Variants in PLCL1 observed in about 807,000 individuals in gnomAD.
PLCL1 encodes the protein inactive phospholipase C-like protein 1.
A neutral mutation model predicts 84.4 loss-of-function variants in PLCL1; 41 were observed. The observed-to-expected ratio is 0.49, with a 90% CI of 0.38 to 0.63. PLCL1 has a LOEUF of 0.63. Ranked by LOEUF, PLCL1 falls within the 30% of genes least tolerant of loss-of-function variation. PLCL1 has a pLI of 0.00. For missense variants in PLCL1, 1,206 were observed against 1,367.8 expected, an observed-to-expected ratio of 0.88 and a Z score of 1.87; for synonymous variants, 490 against 488.3, an observed-to-expected ratio of 1.00 and a Z score of -0.05.
chr2:197,804,819 C>T lies in PLCL1; in HGVS notation c.-281C>T. On this transcript the variant is annotated 5_prime_UTR_variant, in exon 1 of 6. Coordinates refer to ENST00000428675, the MANE Select transcript of PLCL1 (RefSeq NM_006226.4). ...GGATACCTCCCTCTCTTTTTCGCCTCTCCTTCTGCCTCCCGCTCACATCGC... is the reference window on the plus strand; with the variant it reads ...GGATACCTCCCTCTCTTTTTCGCCTTTCCTTCTGCCTCCCGCTCACATCGC... 2.8e-6 allele frequency: 1 copy of T among 361,366 alleles called. No homozygotes were observed. Among genetic ancestry groups the T allele is most frequent in the Non-Finnish European group, 5.0e-6 (1 of 201,032 alleles). The allele number at this position is 361,366 out of a possible 1,614,324, so 22.4% of individuals were successfully genotyped here.
intron 1 of PLCL1, 54 bp from the exon 2 acceptor site, chr2:198,083,703 GA>G: frequency 8.3e-7 from 1 of 1,208,928 alleles, no homozygotes; most frequent in Non-Finnish European, 1.2e-6. Flanking sequence ...GAGTGTTACT[GA>G]ATTTGTCTGT....
chr2:198,125,890 A>G (rs528894228), intron 5 of PLCL1, among the ~76,000 whole-genome samples: 45 of 152,300 alleles, frequency 3.0e-4, no homozygotes, highest in African/African-American at 1.1e-3. Context: ...TAGTAGACCG[A>G]GCAGAATGCT....
At chr2:198,031,596 T>G (rs923496162) in intron 1 of PLCL1, among the ~76,000 whole-genome samples, 5 of 151,250 alleles carry the variant, frequency 3.3e-5, no homozygotes, top group Non-Finnish European at 7.4e-5. Context: ...GCTCAAGCAA[T>G]TCTCTCATCT....
At chr2:198,092,873 A>G (rs1323333020) in intron 3 of PLCL1, among the ~76,000 whole-genome samples, 1 of 152,222 alleles carries the variant, frequency 6.6e-6, no homozygotes, top group Non-Finnish European at 1.5e-5. Context: ...ACCCAAAACA[A>G]TGTTGGCACA....
intron 1 of PLCL1, among the ~76,000 whole-genome samples, chr2:197,986,595 C>T (rs772355347): frequency 7.2e-5 from 11 of 152,154 alleles, no homozygotes; most frequent in East Asian, 1.9e-4. Flanking sequence ...GCAATCCTCC[C>T]GCCTCAGCCT....
intron 1 of PLCL1, among the ~76,000 whole-genome samples, chr2:198,054,006 A>G (rs1308346323): frequency 6.6e-6 from 1 of 152,220 alleles, no homozygotes; most frequent in African/African-American, 2.4e-5. Flanking sequence ...TTCAGAGGAA[A>G]GAGATCAGGG....
At chr2:198,037,785 T>C (rs902867148) in intron 1 of PLCL1, among the ~76,000 whole-genome samples, 5 of 152,174 alleles carry the variant, frequency 3.3e-5, no homozygotes, top group African/African-American at 9.7e-5. Context: ...TAAAGAGTTA[T>C]TGTTTCTTTG....
intron 1 of PLCL1, among the ~76,000 whole-genome samples, chr2:198,018,143 T>A (rs1691043812): frequency 6.6e-6 from 1 of 152,124 alleles, no homozygotes; most frequent in Non-Finnish European, 1.5e-5. Flanking sequence ...GGGAACTCCC[T>A]TCCTATCCAA....
chr2:197,918,142 A>G (rs1688631090), intron 1 of PLCL1, among the ~76,000 whole-genome samples: 1 of 152,224 alleles, frequency 6.6e-6, no homozygotes, highest in Non-Finnish European at 1.5e-5. Flanking sequence ...TATGATAAAA[A>G]TGGCACCTTA....
intron 1 of PLCL1, among the ~76,000 whole-genome samples, chr2:197,939,068 A>C (rs1374351982): frequency 6.6e-6 from 1 of 152,206 alleles, no homozygotes; most frequent in Non-Finnish European, 1.5e-5. Flanking sequence ...GGTGAGAAGG[A>C]GGATCAATGG....
intron 1 of PLCL1, among the ~76,000 whole-genome samples, chr2:197,998,836 G>C (rs1312178611): frequency 6.6e-6 from 1 of 152,122 alleles, no homozygotes; most frequent in East Asian, 1.9e-4. Flanking sequence ...TTACGATCTT[G>C]ATCAAACAGA....
chr2:198,007,532 C>A (rs1202123856), intron 1 of PLCL1, among the ~76,000 whole-genome samples: 2 of 152,042 alleles, frequency 1.3e-5, no homozygotes, highest in African/African-American at 2.4e-5. Context: ...CACAAGGGAG[C>A]CCACTGATGT....
At chr2:198,128,263 C>A (rs1429245006) in intron 5 of PLCL1, among the ~76,000 whole-genome samples, 1 of 152,090 alleles carries the variant, frequency 6.6e-6, no homozygotes, top group Non-Finnish European at 1.5e-5. Context: ...GTGTAACCAC[C>A]CAGTTGGGTT....
At chr2:198,106,244 G>C (rs1367572481) in intron 5 of PLCL1, among the ~76,000 whole-genome samples, 1 of 151,936 alleles carries the variant, frequency 6.6e-6, no homozygotes, top group Non-Finnish European at 1.5e-5. Context: ...AACCTGTGCT[G>C]CAGAGATGCT....
At chr2:197,864,036 A>AT (rs1687481544) in intron 1 of PLCL1, among the ~76,000 whole-genome samples, 1 of 152,092 alleles carries the variant, frequency 6.6e-6, no homozygotes, top group African/African-American at 2.4e-5. Flanking sequence ...GGAATAATTA[A>AT]TTTTTTGAAT....
At chr2:198,101,404 G>A (rs376249908) in intron 4 of PLCL1, 44 bp downstream of exon 4, 11 of 1,020,688 alleles carry the variant, frequency 1.1e-5, no homozygotes, top group Non-Finnish European at 1.6e-5. Flanking sequence ...TTTCTATTTT[G>A]TTTGGAAACT....
chr2:197,860,482 A>T (rs181639137), intron 1 of PLCL1, among the ~76,000 whole-genome samples: 13 of 152,260 alleles, frequency 8.5e-5, no homozygotes, highest in East Asian at 5.8e-4. Context: ...GAACTAATTT[A>T]TACTCCCTCC....
In PLCL1 at chr2:197,927,626, T is replaced by A. The variant is rs1311832782; in HGVS notation, c.240+122287T>A. 2.6e-5 allele frequency among the ~76,000 whole-genome samples: 4 copies of A among 152,228 alleles called. No individual in the cohort carries two copies. In the East Asian group the frequency reaches 7.7e-4, roughly 29 times the overall value. ...TCACAGGGCATTTTTACAAAAATTC[T>A]GGAGAAATGGCTATGCTGGTTTCCA... On this transcript the variant is annotated intron_variant, in intron 1 of 5. Coordinates refer to ENST00000428675, the MANE Select transcript of PLCL1 (RefSeq NM_006226.4).
chr2:198,082,348 G>T (rs1462170659), intron 1 of PLCL1, among the ~76,000 whole-genome samples: 18 of 152,200 alleles, frequency 1.2e-4, no homozygotes, highest in African/African-American at 4.1e-4. Flanking sequence ...GGAGGCTGAG[G>T]CAGGAGAATC....
Sources: gnomAD v4.1 joint callset for allele counts (sites outside exome capture counted in the v4.1 genomes callset) on GRCh38, gnomAD v4.1.1 for gene constraint, MANE v1.5 for transcripts, NCBI Gene and HGNC (gene_info 2026-07-23, HGNC 2026-07-21) for gene names.